CCDC7: variants seen among roughly 807,000 people sequenced by gnomAD.
CCDC7 encodes the protein coiled-coil domain-containing protein 7.
In CCDC7, 183 loss-of-function variants were observed where a neutral mutation model predicts 196.9. The observed-to-expected ratio is 0.93, with a 90% CI of 0.82 to 1.05. CCDC7 has a LOEUF of 1.05. CCDC7 is among the 50% of genes least tolerant of loss of function. The pLI, the probability that CCDC7 is intolerant of heterozygous loss-of-function variation, is 0.00. For missense variants in CCDC7, 1,540 were observed against 1,482.2 expected (o/e 1.04, Z -0.64); for synonymous variants, 525 against 484.6 (o/e 1.08, Z -1.10).
At chr10:32,756,052 A>G (rs1373058879) in intron 28 of CCDC7, among the ~76,000 whole-genome samples, 1 of 152,240 alleles carries the variant, frequency 6.6e-6, no homozygotes, top group Admixed American at 6.5e-5. Flanking sequence ...AGAGAAATTT[A>G]GAGAAAAAAG....
At chr10:32,717,245 C>T (rs1163627472) in intron 25 of CCDC7, among the ~76,000 whole-genome samples, 4 of 152,158 alleles carry the variant, frequency 2.6e-5, no homozygotes, top group Non-Finnish European at 4.4e-5. Context: ...AATCAGACAA[C>T]TACATGGAAA....
intron 2 of CCDC7, among the ~76,000 whole-genome samples, chr10:32,454,266 G>A (rs2133411832): frequency 1.3e-5 from 2 of 152,220 alleles, no homozygotes; most frequent in East Asian, 3.9e-4. Flanking sequence ...TTTTATTGTG[G>A]TGGTGATTAC....
chr10:32,871,575 A>G (rs992899997), intron 41 of CCDC7, among the ~76,000 whole-genome samples: 38 of 151,362 alleles, frequency 2.5e-4, no homozygotes, highest in African/African-American at 9.1e-4. Context: ...TGATTTTTTG[A>G]AGGGTTTTTT....
chr10:32,654,482 G>A (rs1194430396), intron 20 of CCDC7, among the ~76,000 whole-genome samples: 1 of 152,108 alleles, frequency 6.6e-6, no homozygotes, highest in African/African-American at 2.4e-5. Flanking sequence ...TGCTGTTTTT[G>A]TTATTTGTTT....
At chr10:32,622,967 G>A (rs1051300429) in intron 18 of CCDC7, among the ~76,000 whole-genome samples, 6 of 152,120 alleles carry the variant, frequency 3.9e-5, no homozygotes, top group Admixed American at 3.9e-4. Flanking sequence ...TACATTAACA[G>A]AAATTGGCAT....
chr10:32,541,918 T>A (rs1174577990), intron 11 of CCDC7, among the ~76,000 whole-genome samples: 2 of 152,136 alleles, frequency 1.3e-5, no homozygotes, highest in Admixed American at 1.3e-4. Flanking sequence ...TATTGAAAGG[T>A]TCTCCTGGCT....
intron 18 of CCDC7, among the ~76,000 whole-genome samples, chr10:32,595,411 T>G (rs2138043636): frequency 6.6e-6 from 1 of 152,348 alleles, no homozygotes; most frequent in South Asian, 2.1e-4. Context: ...TTATAATTTT[T>G]TATTGCGTCT....
intron 32 of CCDC7, among the ~76,000 whole-genome samples, chr10:32,827,602 C>T (rs764774548): frequency 2.1e-5 from 3 of 143,854 alleles, no homozygotes; most frequent in Non-Finnish European, 4.5e-5. Context: ...AATGAGAACA[C>T]ATGGACACCG....
At chr10:32,606,081 CTT>C (rs1308084650) in intron 18 of CCDC7, among the ~76,000 whole-genome samples, 2 of 152,162 alleles carry the variant, frequency 1.3e-5, no homozygotes, top group Non-Finnish European at 2.9e-5. Flanking sequence ...GGACACTTCT[CTT>C]TGTATCTGGG....
chr10:32,605,259 G>A (rs1194441612), intron 18 of CCDC7, among the ~76,000 whole-genome samples: 1 of 152,136 alleles, frequency 6.6e-6, no homozygotes, highest in Non-Finnish European at 1.5e-5. Context: ...AGAACCACGA[G>A]CCAATTAAAC....
intron 30 of CCDC7, among the ~76,000 whole-genome samples, chr10:32,806,324 G>C (rs1364041345): frequency 6.6e-6 from 1 of 152,122 alleles, no homozygotes; most frequent in Non-Finnish European, 1.5e-5. Context: ...CAGCATAAAA[G>C]TATGAGTTAT....
At chr10:32,764,941 A>G (rs2078033155) in intron 28 of CCDC7, among the ~76,000 whole-genome samples, 1 of 152,108 alleles carries the variant, frequency 6.6e-6, no homozygotes, top group Non-Finnish European at 1.5e-5. Flanking sequence ...TGAGATATCT[A>G]TGGCATTGGC....
At chr10:32,714,904 G>A (rs1045190871) in intron 25 of CCDC7, among the ~76,000 whole-genome samples, 2 of 152,208 alleles carry the variant, frequency 1.3e-5, no homozygotes, top group African/African-American at 4.8e-5. Flanking sequence ...CCAGCCAGGG[G>A]CTTATAGATA....
intron 18 of CCDC7, among the ~76,000 whole-genome samples, chr10:32,624,800 A>G (rs1180286459): frequency 6.6e-6 from 1 of 151,998 alleles, no homozygotes; most frequent in Non-Finnish European, 1.5e-5. Context: ...TTGTATGTCT[A>G]CTTTTATGAA....
At chr10:32,662,654 T>G (rs1443951027) in intron 20 of CCDC7, among the ~76,000 whole-genome samples, 1 of 152,104 alleles carries the variant, frequency 6.6e-6, no homozygotes, top group Non-Finnish European at 1.5e-5. Flanking sequence ...CAGGAGTGAG[T>G]GCCCAGTTAC....
chr10:32,808,848 T>C (rs1055187378), intron 30 of CCDC7, among the ~76,000 whole-genome samples: 2 of 151,918 alleles, frequency 1.3e-5, no homozygotes, highest in Non-Finnish European at 2.9e-5. Flanking sequence ...ACAGAGGCCG[T>C]ATACCACTGC....
chr10:32,607,911 T>C (rs1422583692), intron 18 of CCDC7, among the ~76,000 whole-genome samples: 2 of 152,180 alleles, frequency 1.3e-5, no homozygotes, highest in Non-Finnish European at 2.9e-5. Context: ...ATGAGTTTGG[T>C]AGAATACAGC....
At chr10:32,570,525 G>A (rs765857531) in intron 15 of CCDC7, among the ~76,000 whole-genome samples, 9 of 152,328 alleles carry the variant, frequency 5.9e-5, no homozygotes, top group South Asian at 4.1e-4. Context: ...ATAGTCCAAG[G>A]AAGTTCAAGG....
intron 16 of CCDC7, among the ~76,000 whole-genome samples, chr10:32,576,621 G>C (rs2058224789): frequency 1.3e-5 from 2 of 150,108 alleles, no homozygotes; most frequent in African/African-American, 4.9e-5. Flanking sequence ...CACCATCATG[G>C]CTTACTGCTT....
Sources: allele counts gnomAD v4.1 joint callset (sites outside exome capture counted in the v4.1 genomes callset), GRCh38; gene constraint gnomAD v4.1.1; transcripts MANE v1.5; gene names NCBI Gene and HGNC (gene_info 2026-07-23, HGNC 2026-07-21).